The following C10orf90 variants were observed in gnomAD, a reference collection of about 807,000 sequenced individuals.
The protein encoded by C10orf90 is chromosome 10 open reading frame 90.
C10orf90 carries 56 observed loss-of-function variants against 62.5 expected under a neutral mutation model. The observed-to-expected ratio is 0.90, with a 90% CI of 0.72 to 1.12. The LOEUF (loss-of-function observed/expected upper bound fraction) is 1.12, where lower values mean the gene tolerates loss of function less well. C10orf90 is among the 50% of genes most tolerant of loss of function. The pLI is 0.00. For synonymous variants in C10orf90, 386 were observed against 340.4 expected, an observed-to-expected ratio of 1.13 and a Z score of -1.47; for missense variants, 970 against 880.4, an observed-to-expected ratio of 1.10 and a Z score of -1.29.
chr10:126,644,437 G>A (rs1184844078), intron 2 of C10orf90, among the ~76,000 whole-genome samples: 2 of 152,200 alleles, frequency 1.3e-5, no homozygotes, highest in Non-Finnish European at 2.9e-5. Context: ...AGCCCTGCTG[G>A]GAAGCGTGAA....
intron 2 of C10orf90, among the ~76,000 whole-genome samples, chr10:126,591,469 G>A (rs1844977755): frequency 6.6e-6 from 1 of 152,012 alleles, no homozygotes; most frequent in African/African-American, 2.4e-5. Context: ...CAATAGACAT[G>A]GAAGAGGCCT....
chr10:126,449,163 A>G (rs1476909217), intron 7 of C10orf90, among the ~76,000 whole-genome samples: 1 of 152,210 alleles, frequency 6.6e-6, no homozygotes, highest in Non-Finnish European at 1.5e-5. Flanking sequence ...ACAAAATTCA[A>G]TAGCAAATTA....
At chr10:126,650,033 T>C (rs547726620) in intron 1 of C10orf90, among the ~76,000 whole-genome samples, 1 of 151,708 alleles carries the variant, frequency 6.6e-6, no homozygotes, top group South Asian at 2.1e-4. Flanking sequence ...AAGGGCAGAG[T>C]TCCCGATCAA....
At chr10:126,488,469 C>A (rs1232364948) in intron 4 of C10orf90, among the ~76,000 whole-genome samples, 1 of 151,742 alleles carries the variant, frequency 6.6e-6, no homozygotes, top group Non-Finnish European at 1.5e-5. Flanking sequence ...GGAACAAATA[C>A]AGGACAAAAT....
chr10:126,558,030 C>G (rs1314757189), intron 2 of C10orf90, among the ~76,000 whole-genome samples: 1 of 152,104 alleles, frequency 6.6e-6, no homozygotes, highest in Non-Finnish European at 1.5e-5. Flanking sequence ...GCCCCTCAGA[C>G]TCTGCAGTAT....
intron 7 of C10orf90, among the ~76,000 whole-genome samples, chr10:126,452,289 AAT>A (rs1257139319): frequency 1.3e-5 from 2 of 152,232 alleles, no homozygotes; most frequent in Non-Finnish European, 2.9e-5. Flanking sequence ...GAATTTTATC[AAT>A]GACTTGAATC....
At chr10:126,462,787 C>G (rs1056620427) in intron 5 of C10orf90, among the ~76,000 whole-genome samples, 3 of 152,272 alleles carry the variant, frequency 2.0e-5, no homozygotes, top group South Asian at 4.1e-4. Context: ...TCCTCCCTCT[C>G]CTGGGCCAGC....
intron 1 of C10orf90, among the ~76,000 whole-genome samples, chr10:126,665,532 G>A (rs751212289): frequency 6.6e-6 from 1 of 152,124 alleles, no homozygotes; most frequent in Non-Finnish European, 1.5e-5. Context: ...TCCAAACTAT[G>A]GTGGGATATT....
At chr10:126,534,655 TC>T (rs1386115832) in intron 2 of C10orf90, among the ~76,000 whole-genome samples, 3 of 152,160 alleles carry the variant, frequency 2.0e-5, no homozygotes, top group Non-Finnish European at 2.9e-5. Flanking sequence ...GAAGATGATA[TC>T]ACCATTGGGT....
intron 4 of C10orf90, chr10:126,469,972 A>T (rs1423630216): frequency 2.2e-6 from 1 of 456,748 alleles, no homozygotes; most frequent in Non-Finnish European, 4.4e-6. Flanking sequence ...CATGCTGCGG[A>T]GGCAGGGAAG....
chr10:126,457,687 C>T (rs987866213), intron 7 of C10orf90, among the ~76,000 whole-genome samples: 1 of 152,172 alleles, frequency 6.6e-6, no homozygotes, highest in Non-Finnish European at 1.5e-5. Context: ...GGGGCCCACA[C>T]AGCCTGGGCA....
chr10:126,578,455 T>C (rs1844670504), intron 2 of C10orf90, among the ~76,000 whole-genome samples: 2 of 152,264 alleles, frequency 1.3e-5, no homozygotes, highest in South Asian at 2.1e-4. Context: ...CCCATCAGGA[T>C]GGCTAAAAAG....
chr10:126,425,761 A>G lies in C10orf90; in HGVS notation c.*103T>C, dbSNP rs1026150454. The G allele has an allele frequency of 1.6e-6, 2 of 1,234,726 alleles. No homozygotes were observed. The highest frequency in any genetic ancestry group is 3.0e-5 in the African/African-American group (2 of 65,574). 76.5% of individuals were successfully genotyped at this position (1,234,726 alleles called of 1,614,324 possible). ...ATGGAAAAAAAAAATCGAAAGTAAA[A>G]TAAGTGTTTTCCCATGATGAAGATA... On this transcript the variant is annotated 3_prime_UTR_variant, in exon 10 of 10. Transcript: ENST00000488181.
At chr10:126,513,983 G>T (rs1487971604) in intron 2 of C10orf90, 44 bp from the exon 3 acceptor site, 1 of 1,347,336 alleles carries the variant, frequency 7.4e-7, no homozygotes, top group Non-Finnish European at 1.1e-6. Flanking sequence ...GTATATAAAA[G>T]GATAAAATGG....
At position 126,584,379 on chromosome 10, in the gene C10orf90, A is replaced by G. The variant is rs113954200; in HGVS notation, c.313+62186T>C. Among the ~76,000 whole-genome samples the G allele has an allele frequency of 8.0e-3, 1,203 of 150,850 alleles. 14 individuals are homozygous for G. The highest frequency in any genetic ancestry group is 0.025 in the African/African-American group (1,014 of 41,042). ...CCACCTGTCCACCTTCCATCTGTCC[A>G]TCCATCTACCTGTCCACCTGCCTGT... On this transcript the variant is annotated intron_variant, in intron 2 of 9. Coordinates refer to ENST00000488181, the MANE Select transcript of C10orf90 (RefSeq NM_001350921.2).
intron 2 of C10orf90, among the ~76,000 whole-genome samples, chr10:126,623,125 T>C (rs988211366): frequency 6.6e-6 from 1 of 152,158 alleles, no homozygotes; most frequent in Non-Finnish European, 1.5e-5. Flanking sequence ...TGCATGTCAT[T>C]GCAGACTTCA....
chr10:126,603,566 G>T (rs550722409), intron 2 of C10orf90, among the ~76,000 whole-genome samples: 4 of 152,160 alleles, frequency 2.6e-5, no homozygotes, highest in Non-Finnish European at 5.9e-5. Context: ...ACCCCTGGCT[G>T]CCCTGATTGC....
At chr10:126,666,654 C>T (rs1049180613) in intron 1 of C10orf90, among the ~76,000 whole-genome samples, 13 of 152,064 alleles carry the variant, frequency 8.5e-5, no homozygotes, top group Non-Finnish European at 1.8e-4. Flanking sequence ...ATGGCCATGG[C>T]TGCACCAGAG....
At chr10:126,600,238 C>T (rs1007698489) in intron 2 of C10orf90, among the ~76,000 whole-genome samples, 2 of 152,224 alleles carry the variant, frequency 1.3e-5, no homozygotes, top group Admixed American at 1.3e-4. Context: ...TCCAGACGGC[C>T]AGCAGGAAGT....
Sources: gnomAD v4.1 joint callset for allele counts (sites outside exome capture counted in the v4.1 genomes callset) on GRCh38, gnomAD v4.1.1 for gene constraint, MANE v1.5 for transcripts, NCBI Gene and HGNC (gene_info 2026-07-23, HGNC 2026-07-21) for gene names.